Variants in SYT2 observed in about 807,000 individuals in gnomAD.
SYT2 encodes the protein synaptotagmin-2.
SYT2 carries 15 observed loss-of-function variants against 39.9 expected under a neutral mutation model. The ratio of observed to expected loss-of-function variants is 0.38; its 90% CI spans 0.25 to 0.58. The LOEUF (loss-of-function observed/expected upper bound fraction) is 0.58. SYT2 is among the 20% of genes least tolerant of loss of function. The probability of loss-of-function intolerance (pLI) is 0.70; values close to 1 mark genes in which losing one functional copy is unlikely to be tolerated. For missense variants in SYT2, 389 were observed against 530.3 expected, an observed-to-expected ratio of 0.73 and a Z score of 2.62; for synonymous variants, 181 against 204.5, an observed-to-expected ratio of 0.89 and a Z score of 0.98.
At chr1:202,702,707 A>C (rs114222664) in intron 1 of SYT2, among the ~76,000 whole-genome samples, 1 of 152,068 alleles carries the variant, frequency 6.6e-6, no homozygotes, top group Admixed American at 6.5e-5. Flanking sequence ...CTAACATCCC[A>C]TCTTAGGCCC....
At chr1:202,688,113 C>G (rs73087579) in intron 1 of SYT2, among the ~76,000 whole-genome samples, 1 of 152,178 alleles carries the variant, frequency 6.6e-6, no homozygotes, top group African/African-American at 2.4e-5. Context: ...TGGTCACTGA[C>G]ACCCCCCCAT....
chr1:202,620,981 C>T (rs1691189091), intron 1 of SYT2, among the ~76,000 whole-genome samples: 1 of 152,118 alleles, frequency 6.6e-6, no homozygotes, highest in South Asian at 2.1e-4. Flanking sequence ...AATCGGTGTG[C>T]AGGGGAGTGA....
At chr1:202,657,070 C>T (rs1258078950) in intron 1 of SYT2, among the ~76,000 whole-genome samples, 2 of 152,224 alleles carry the variant, frequency 1.3e-5, no homozygotes, top group Admixed American at 1.3e-4. Flanking sequence ...CCGGGCACAG[C>T]TCATTTTTGT....
chr1:202,627,008 C>G (rs1691436649), intron 1 of SYT2, among the ~76,000 whole-genome samples: 2 of 152,214 alleles, frequency 1.3e-5, no homozygotes, highest in African/African-American at 2.4e-5. Context: ...TCCATGCTGA[C>G]CACGAACTCA....
At chr1:202,706,454 C>T (rs142218759) in intron 1 of SYT2, among the ~76,000 whole-genome samples, 57 of 152,274 alleles carry the variant, frequency 3.7e-4, no homozygotes, top group Middle Eastern at 3.4e-3. Flanking sequence ...CTGTTCTACA[C>T]GCTTTACAGG....
rs911389632 is a variant in SYT2 at position 202,599,123 on chromosome 1, C to G, written c.1053+95G>C. 3.9e-6 allele frequency: 6 copies of G among 1,520,550 alleles called. 1 individual carries two copies. In the Admixed American group the frequency reaches 1.3e-4, roughly 34 times the overall value. The allele number at this position is 1,520,550 out of a possible 1,614,324, so 94.2% of individuals were successfully genotyped here. A position where few individuals can be genotyped will look rare whatever the true frequency, so the allele number is the denominator to read the frequency against. ...CTTCCCCTACCAAGAAAGGCTGTTCCATGGTCTCTAGGTGAGTTCCCTCTC... is the reference window on the plus strand; with the variant it reads ...CTTCCCCTACCAAGAAAGGCTGTTCGATGGTCTCTAGGTGAGTTCCCTCTC... On this transcript the variant is annotated intron_variant, in intron 8 of 8. Coordinates refer to ENST00000367268, the MANE Select transcript of SYT2 (RefSeq NM_177402.5). The surrounding 1 kb of genome is among the most constrained non-coding windows in gnomAD (Gnocchi z 4.4).
intron 1 of SYT2, among the ~76,000 whole-genome samples, chr1:202,687,852 T>A (rs544778907): frequency 1.3e-5 from 2 of 152,126 alleles, no homozygotes; most frequent in Non-Finnish European, 2.9e-5. Flanking sequence ...CCACCCTTTT[T>A]CTCCTCCTGT....
In SYT2 at chr1:202,604,576, AG is replaced by A; in HGVS notation, c.223del (p.Leu75CysfsTer28). On this transcript the variant is annotated frameshift_variant, in exon 3 of 9. Transcript: ENST00000367268. LOFTEE classifies it high-confidence loss of function. ...LIAIAVVAGL[L>X]LLTCCFCICK... ...GATGCAGAAGCAGCAGGTGAGAAGCAGGAGCCCAGCAACCACAGCAATGGCG... is the reference window on the plus strand; with the variant it reads ...GATGCAGAAGCAGCAGGTGAGAAGCAGAGCCCAGCAACCACAGCAATGGCG... 1 of 1,614,204 alleles carries A rather than the reference AG, an allele frequency of 6.2e-7. No individual in the cohort carries two copies. Among genetic ancestry groups the A allele is most frequent in the Non-Finnish European group, 8.5e-7 (1 of 1,180,054 alleles).
chr1:202,598,052 C>T (rs183283652), intron 8 of SYT2, among the ~76,000 whole-genome samples: 1 of 152,300 alleles, frequency 6.6e-6, no homozygotes, highest in East Asian at 1.9e-4. Flanking sequence ...TTTACTGGTG[C>T]CCTCCCACTG....
At chr1:202,701,430 T>C (rs1654118285) in intron 1 of SYT2, among the ~76,000 whole-genome samples, 1 of 152,246 alleles carries the variant, frequency 6.6e-6, no homozygotes, top group Non-Finnish European at 1.5e-5. Context: ...AAGTGCTTTA[T>C]GTGTACTTCT....
At chr1:202,664,141 G>T (rs1456687173) in intron 1 of SYT2, among the ~76,000 whole-genome samples, 1 of 152,184 alleles carries the variant, frequency 6.6e-6, no homozygotes, top group Non-Finnish European at 1.5e-5. Flanking sequence ...GGATATGAAT[G>T]TTGAGAGGGG....
intron 1 of SYT2, among the ~76,000 whole-genome samples, chr1:202,661,565 C>T (rs1692381169): frequency 6.6e-6 from 1 of 152,182 alleles, no homozygotes; most frequent in African/African-American, 2.4e-5. Flanking sequence ...CTATGCCACT[C>T]GGCAGCCTTC....
rs1690168574 is a variant in SYT2, at chr1:202,592,719, C to T, written c.*4038G>A. 1 of 152,178 alleles carries T rather than the reference C, an allele frequency of 6.6e-6. No individual in the cohort carries two copies. The highest frequency in any genetic ancestry group is 2.1e-4 in the South Asian group (1 of 4,832). 9.4% of individuals were successfully genotyped at this position (152,178 alleles called of 1,614,324 possible). A position where few individuals can be genotyped will look rare whatever the true frequency, so the allele number is the denominator to read the frequency against. ...TGTCTTCAAGTCACAGTGTCCCCTT[C>T]TCAATATTGCAGTTCAAAAAACTGG... is the stretch of plus-strand genomic sequence containing the variant. On this transcript the variant is annotated 3_prime_UTR_variant, in exon 9 of 9. Transcript: ENST00000367268.
At chr1:202,681,767 C>A (rs924664793) in intron 1 of SYT2, among the ~76,000 whole-genome samples, 1 of 152,204 alleles carries the variant, frequency 6.6e-6, no homozygotes, top group African/African-American at 2.4e-5. Context: ...GGGCTAGTAG[C>A]ACCAATAAAT....
chr1:202,636,305 C>T lies in SYT2; in HGVS notation c.-17-30516G>A, dbSNP rs577127170. ...CAAGTGGCCTCACTGGGAGAGCAGT[C>T]CACTGGGTTTGGTGCCCTTGGTAGA... On this transcript the variant is annotated intron_variant, in intron 1 of 8. Coordinates refer to ENST00000367268, the MANE Select transcript of SYT2 (RefSeq NM_177402.5). The T allele has an allele frequency of 2.5e-5, 24 of 946,254 alleles. No individual in the cohort carries two copies. The African/African-American group carries it at 4.2e-4, about 17-fold the overall frequency. 58.6% of individuals were successfully genotyped at this position (946,254 alleles called of 1,614,324 possible).
At chr1:202,694,548 G>A (rs1252439403) in intron 1 of SYT2, among the ~76,000 whole-genome samples, 1 of 131,636 alleles carries the variant, frequency 7.6e-6, no homozygotes, top group African/African-American at 3.0e-5. Flanking sequence ...TAAGTCTCCT[G>A]AGGCTGAATT....
chr1:202,699,980 C>T (rs1654071709), intron 1 of SYT2, among the ~76,000 whole-genome samples: 1 of 152,172 alleles, frequency 6.6e-6, no homozygotes, highest in Non-Finnish European at 1.5e-5. Flanking sequence ...CCTCAAACCC[C>T]TTCCTTTAAA....
At chr1:202,635,467 G>A (rs534904108) in intron 1 of SYT2, among the ~76,000 whole-genome samples, 1 of 152,324 alleles carries the variant, frequency 6.6e-6, no homozygotes, top group South Asian at 2.1e-4. Context: ...ATCTTCTTTA[G>A]GGAAGCCTGG....
In SYT2 at chr1:202,600,480, CA is replaced by C; in HGVS notation, c.802-7del. 1 of 1,614,004 alleles carries C rather than the reference CA, an allele frequency of 6.2e-7. No individual in the cohort carries two copies. Among genetic ancestry groups the C allele is most frequent in the Non-Finnish European group, 8.5e-7 (1 of 1,179,882 alleles). On this transcript the variant is annotated splice_region_variant and splice_polypyrimidine_tract_variant and intron_variant, in intron 6 of 8. Coordinates refer to ENST00000367268, the MANE Select transcript of SYT2 (RefSeq NM_177402.5). ...ATGTCGCCCAGCTTCTCCGGCTGTC[CA>C]GGGGAAGAGCAGGACTTGGGTCATC...
Sources: gnomAD v4.1 joint callset for allele counts (sites outside exome capture counted in the v4.1 genomes callset) on GRCh38, gnomAD v4.1.1 for gene constraint, Gnocchi (gnomAD v3.1) non-coding constraint, MANE v1.5 for transcripts, NCBI Gene and HGNC (gene_info 2026-07-23, HGNC 2026-07-21) for gene names.